Variants in CNBD1 observed in about 807,000 individuals in gnomAD.
CNBD1 encodes the protein cyclic nucleotide-binding domain-containing protein 1.
In CNBD1, 71 loss-of-function variants were observed where a neutral mutation model predicts 54.4. The ratio of observed to expected loss-of-function variants is 1.30; its 90% CI spans 1.08 to 1.59. The LOEUF (loss-of-function observed/expected upper bound fraction) is 1.59, where lower values mean the gene tolerates loss of function less well. Among genes scored for constraint, CNBD1 ranks in the 40% most tolerant of loss-of-function variants. CNBD1 has a pLI of 0.00. For missense variants in CNBD1, 659 were observed against 518.0 expected (o/e 1.27, Z -2.64); for synonymous variants, 182 against 170.7 (o/e 1.07, Z -0.51).
At chr8:86,983,733 T>C (rs757349126) in intron 4 of CNBD1, among the ~76,000 whole-genome samples, 1 of 152,160 alleles carries the variant, frequency 6.6e-6, no homozygotes, top group Non-Finnish European at 1.5e-5. Context: ...AGAGAGATGA[T>C]TTTGGGTATC....
At chr8:86,971,970 T>G (rs1034678753) in intron 4 of CNBD1, among the ~76,000 whole-genome samples, 4 of 152,138 alleles carry the variant, frequency 2.6e-5, no homozygotes, top group Non-Finnish European at 4.4e-5. Context: ...TTTTTTTTTT[T>G]GAGACAGGGT....
intron 4 of CNBD1, among the ~76,000 whole-genome samples, chr8:86,976,066 T>A (rs1432315546): frequency 6.6e-6 from 1 of 151,918 alleles, no homozygotes; most frequent in Non-Finnish European, 1.5e-5. Context: ...CTATGTTTTT[T>A]AAATAGGGAT....
chr8:87,421,277 ATTTT>A, intron 2 of CNBD1, among the ~76,000 whole-genome samples: 1 of 148,784 alleles, frequency 6.7e-6, no homozygotes, highest in South Asian at 2.1e-4. Flanking sequence ...TTATTTCTTT[ATTTT>A]TTTATATTAT....
At chr8:86,879,521 AAT>A (rs1393328739) in intron 1 of CNBD1, among the ~76,000 whole-genome samples, 1 of 152,190 alleles carries the variant, frequency 6.6e-6, no homozygotes, top group Non-Finnish European at 1.5e-5. Context: ...AAGAGAATAT[AAT>A]ATCAAAAAGA....
chr8:86,879,430 G>A (rs1222280466), intron 1 of CNBD1, among the ~76,000 whole-genome samples: 1 of 152,176 alleles, frequency 6.6e-6, no homozygotes, highest in Non-Finnish European at 1.5e-5. Context: ...TATGGAAGAC[G>A]AGTTTCAAAA....
chr8:86,960,852 T>A (rs557346157), intron 4 of CNBD1, among the ~76,000 whole-genome samples: 5 of 152,310 alleles, frequency 3.3e-5, no homozygotes, highest in Non-Finnish European at 5.9e-5. Context: ...CAGTCTCCGC[T>A]GGTGATACCC....
intron 4 of CNBD1, among the ~76,000 whole-genome samples, chr8:87,005,013 G>T (rs1234957136): frequency 6.6e-6 from 1 of 151,738 alleles, no homozygotes; most frequent in Non-Finnish European, 1.5e-5. Flanking sequence ...GCAATAGTTT[G>T]CTGCATGATT....
At chr8:87,245,478 A>C (rs202241484) in intron 6 of CNBD1, among the ~76,000 whole-genome samples, 1 of 111,576 alleles carries the variant, frequency 9.0e-6, no homozygotes, top group Non-Finnish European at 1.9e-5. Flanking sequence ...ACATCTTCCC[A>C]TTTTTTTAAT....
intron 2 of CNBD1, among the ~76,000 whole-genome samples, chr8:87,422,058 C>T (rs897384887): frequency 6.9e-6 from 1 of 145,054 alleles, no homozygotes; most frequent in Non-Finnish European, 1.5e-5. Flanking sequence ...TGTTTTTTGG[C>T]TGCATAAATG....
At chr8:87,237,769 A>G (rs1227332172) in intron 6 of CNBD1, among the ~76,000 whole-genome samples, 2 of 152,132 alleles carry the variant, frequency 1.3e-5, no homozygotes. Flanking sequence ...TTAAAACCAA[A>G]TAATTTAGCA....
At position 86,939,712 on chromosome 8, in the gene CNBD1, C is replaced by G. The variant is rs1035365025; in HGVS notation, c.389C>G (p.Ala130Gly). 6.3e-6 allele frequency: 10 copies of G among 1,580,506 alleles called. No homozygotes were observed. The African/African-American group carries it at 1.4e-4, about 22-fold the overall frequency. The change falls in exon 4 of 11, where the codon GCC (alanine) becomes GGC (glycine). Residue 130 changes from alanine to glycine, a missense_variant. By Grantham distance (60) the Ala-to-Gly change is moderately conservative. Transcript: ENST00000518476. ...CATATTTTATATAGACCAAAAAGAG[C>G]CACAGAGAAATTTGAAGAATTCCTA... ...GGHILYRPKR[A>G]TEKFEEFLAI...
chr8:86,903,015 T>C (rs542197079), intron 2 of CNBD1, among the ~76,000 whole-genome samples: 182 of 152,220 alleles, frequency 1.2e-3, no homozygotes, highest in African/African-American at 4.0e-3. Flanking sequence ...CCACATTACA[T>C]TTTTGGGACA....
intron 4 of CNBD1, among the ~76,000 whole-genome samples, chr8:86,990,590 A>G (rs534289150): frequency 6.6e-6 from 1 of 152,204 alleles, no homozygotes; most frequent in East Asian, 1.9e-4. Context: ...TTTGGTTACT[A>G]TAGCTCTGTA....
intron 10 of CNBD1, among the ~76,000 whole-genome samples, chr8:87,373,110 G>T (rs1045121784): frequency 6.6e-6 from 1 of 151,566 alleles, no homozygotes; most frequent in African/African-American, 2.4e-5. Flanking sequence ...ATAAATAAAG[G>T]CATAGTTTAC....
At chr8:86,962,064 T>C in intron 4 of CNBD1, among the ~76,000 whole-genome samples, 1 of 152,170 alleles carries the variant, frequency 6.6e-6, no homozygotes. Context: ...TTGAGAGGGA[T>C]ACATCCACTT....
intron 2 of CNBD1, among the ~76,000 whole-genome samples, chr8:86,904,376 C>T (rs1264705797): frequency 1.3e-5 from 2 of 151,874 alleles, no homozygotes; most frequent in African/African-American, 4.8e-5. Flanking sequence ...GTGGATTTTC[C>T]AGAAACAAAT....
chr8:87,255,378 TG>T (rs1469381557), intron 6 of CNBD1, among the ~76,000 whole-genome samples: 10 of 152,062 alleles, frequency 6.6e-5, no homozygotes, highest in Non-Finnish European at 1.5e-4. Flanking sequence ...GTTAATAGCC[TG>T]ATAAAATGAT....
intron 8 of CNBD1, among the ~76,000 whole-genome samples, chr8:87,327,813 A>T (rs1220270482): frequency 6.6e-6 from 1 of 152,138 alleles, no homozygotes; most frequent in Non-Finnish European, 1.5e-5. Flanking sequence ...CTATTCGGCC[A>T]TCTTGGCTCC....
intron 4 of CNBD1, among the ~76,000 whole-genome samples, chr8:86,952,724 A>T (rs1807656774): frequency 6.6e-6 from 1 of 152,144 alleles, no homozygotes; most frequent in African/African-American, 2.4e-5. Context: ...TGTGATATAA[A>T]CCATTTGTGA....
Sources: gnomAD v4.1 joint callset for allele counts (sites outside exome capture counted in the v4.1 genomes callset) on GRCh38, gnomAD v4.1.1 for gene constraint, MANE v1.5 for transcripts, NCBI Gene and HGNC (gene_info 2026-07-23, HGNC 2026-07-21) for gene names.